The following ELL variants were observed in gnomAD, a reference collection of about 807,000 sequenced individuals.
ELL encodes elongation factor for RNA polymerase II.
In ELL, 18 loss-of-function variants were observed where a neutral mutation model predicts 64.0. The observed-to-expected ratio is 0.28, with a 90% CI of 0.19 to 0.42. The LOEUF (loss-of-function observed/expected upper bound fraction) is 0.42, where lower values mean the gene tolerates loss of function less well. Ranked by LOEUF, ELL falls within the 10% of genes least tolerant of loss-of-function variation. The pLI is 1.00. For missense variants in ELL, 797 were observed against 870.4 expected, an observed-to-expected ratio of 0.92 and a Z score of 1.06; for synonymous variants, 399 against 376.2, an observed-to-expected ratio of 1.06 and a Z score of -0.70.
At chr19:18,498,078 G>T (rs574570540) in intron 1 of ELL, among the ~76,000 whole-genome samples, 2 of 151,974 alleles carry the variant, frequency 1.3e-5, no homozygotes, top group Non-Finnish European at 2.9e-5. Flanking sequence ...GATGAGCCGA[G>T]ATTGCACCAT....
chr19:18,494,913 T>C lies in ELL; in HGVS notation c.136-22031A>G, dbSNP rs79278983. ...TCTGGACAACTCTACCCTGTACCTC[T>C]AGGCAGATGTGATCTCAGAACCACC... is the stretch of plus-strand genomic sequence containing the variant. On this transcript the variant is annotated intron_variant, in intron 1 of 11. Coordinates refer to ENST00000262809, the MANE Select transcript of ELL (RefSeq NM_006532.4). 4.1e-3 allele frequency among the ~76,000 whole-genome samples: 619 copies of C among 152,300 alleles called. 6 individuals carry two copies. The highest frequency in any genetic ancestry group is 0.014 in the African/African-American group (574 of 41,542).
rs544114835 is a variant in ELL at position 18,517,445 on chromosome 19, T to C, written c.135+4476A>G. 2.0e-5 allele frequency among the ~76,000 whole-genome samples: 3 copies of C among 152,010 alleles called. No individual in the cohort carries two copies. In the South Asian group the frequency reaches 6.2e-4, roughly 32 times the overall value. On this transcript the variant is annotated intron_variant, in intron 1 of 11. Coordinates refer to ENST00000262809, the MANE Select transcript of ELL (RefSeq NM_006532.4). ...TTTGTATTTTTAGTAGAGACAGGTTTTCACCATATTGTCCAGGCTGGTCTC... is the reference window on the plus strand; with the variant it reads ...TTTGTATTTTTAGTAGAGACAGGTTCTCACCATATTGTCCAGGCTGGTCTC...
intron 2 of ELL, among the ~76,000 whole-genome samples, chr19:18,471,946 G>A (rs970205830): frequency 2.0e-5 from 3 of 152,084 alleles, no homozygotes; most frequent in Non-Finnish European, 2.9e-5. Context: ...GACTAGTTTC[G>A]TGGAAGACAA....
chr19:18,499,256 A>G (rs776836316), intron 1 of ELL, among the ~76,000 whole-genome samples: 1 of 152,198 alleles, frequency 6.6e-6, no homozygotes, highest in African/African-American at 2.4e-5. Flanking sequence ...TTGGGGCCCA[A>G]GAACTGAGAT....
intron 1 of ELL, among the ~76,000 whole-genome samples, chr19:18,480,405 G>A (rs1214735526): frequency 1.3e-5 from 2 of 152,194 alleles, no homozygotes; most frequent in African/African-American, 4.8e-5. Flanking sequence ...GCTCAGGGAC[G>A]AGCTAGGGAA....
chr19:18,444,883 A>G lies in ELL; in HGVS notation c.1750-15T>C. On this transcript the variant is annotated splice_polypyrimidine_tract_variant and intron_variant, in intron 11 of 11. Coordinates refer to ENST00000262809, the MANE Select transcript of ELL (RefSeq NM_006532.4). ...TTGGTGTTGGTCTGTGGGACAGCAC[A>G]GTCATGCTCAGGACAGAGCCGCCCT... The G allele has an allele frequency of 6.2e-7, 1 of 1,607,284 alleles. No homozygotes were observed. The highest frequency in any genetic ancestry group is 8.5e-7 in the Non-Finnish European group (1 of 1,177,712).
rs901829381 is a variant in ELL, at chr19:18,443,112, C to G, written c.*1640G>C. ...GACCTCCTGAAATCATCCCACCTCA[C>G]CGGTGTCTGCAGGGCTGCCTGCGGG... On this transcript the variant is annotated 3_prime_UTR_variant, in exon 12 of 12. Transcript: ENST00000262809. The G allele has an allele frequency of 4.3e-6, 1 of 232,728 alleles. No homozygotes were observed. Among genetic ancestry groups the G allele is most frequent in the Non-Finnish European group, 8.5e-6 (1 of 117,694 alleles). 14.4% of individuals were successfully genotyped at this position (232,728 alleles called of 1,614,324 possible).
intron 1 of ELL, among the ~76,000 whole-genome samples, chr19:18,517,589 C>T (rs777659411): frequency 5.3e-5 from 8 of 151,582 alleles, no homozygotes; most frequent in African/African-American, 1.2e-4. Flanking sequence ...AAAACAGACA[C>T]GTAGTTCATG....
At position 18,476,107 on chromosome 19, in the gene ELL, C is replaced by T. The variant is rs549550507; in HGVS notation, c.136-3225G>A. ...CTCATGGCACCAGTCCTCATGGGCC[C>T]CAGGAGCACACGACCAAGGCCAGGT... On this transcript the variant is annotated intron_variant, in intron 1 of 11. Coordinates refer to ENST00000262809, the MANE Select transcript of ELL (RefSeq NM_006532.4). Among the ~76,000 whole-genome samples, 11 of 152,330 alleles carry T rather than the reference C, an allele frequency of 7.2e-5. No individual in the cohort carries two copies. In the South Asian group the frequency reaches 2.3e-3, roughly 32 times the overall value.
Position 18,449,671 on chromosome 19 carries a change from C to T in ELL, c.1465+806G>A, listed in dbSNP as rs1974481288. Among the ~76,000 whole-genome samples the T allele has an allele frequency of 6.6e-6, 1 of 152,230 alleles. No homozygotes were observed. The highest frequency in any genetic ancestry group is 2.4e-5 in the African/African-American group (1 of 41,462). On this transcript the variant is annotated intron_variant, in intron 8 of 11. Coordinates refer to ENST00000262809, the MANE Select transcript of ELL (RefSeq NM_006532.4). This position sits in a 1 kb window ranked among gnomAD's most constrained non-coding sequence, Gnocchi z 4.4. ...ACAGCAGGTGACACCACCTGGGCTG[C>T]CCTGGGCCAGCTGGCGCCGAGAGCG...
At chr19:18,456,577 G>A (rs1974680050) in intron 6 of ELL, among the ~76,000 whole-genome samples, 1 of 152,172 alleles carries the variant, frequency 6.6e-6, no homozygotes, top group Non-Finnish European at 1.5e-5. Flanking sequence ...TCAGGTTGGA[G>A]GTAAGGGCAC....
chr19:18,458,815 T>C (rs887750089), intron 5 of ELL, among the ~76,000 whole-genome samples: 3 of 151,992 alleles, frequency 2.0e-5, no homozygotes, highest in Admixed American at 6.6e-5. Context: ...TTTTAAGAGA[T>C]GGGATCTCGC....
At position 18,450,527 on chromosome 19, in the gene ELL, T is replaced by C; in HGVS notation, c.1415A>G (p.Asp472Gly). The change falls in exon 8 of 12, where the codon GAC becomes GGC. Residue 472 changes from aspartate to glycine, a missense_variant. Physicochemically the swap from Asp to Gly is moderately conservative, Grantham distance 94. Transcript: ENST00000262809. Reference sequence around the variant, plus strand: ...GGTGGCATGGGTGGCAGGTGCACAGTCTGGAAGCTGGGCCCGGGGCTTGTC... The same window carrying C: ...GGTGGCATGGGTGGCAGGTGCACAGCCTGGAAGCTGGGCCCGGGGCTTGTC... ...AEDKPRAQLP[D>G]CAPATHATPG... is the part of the protein sequence containing the mutation. 1 of 1,613,240 alleles carries C rather than the reference T, an allele frequency of 6.2e-7. No homozygotes were observed. Among genetic ancestry groups the C allele is most frequent in the Admixed American group, 1.7e-5 (1 of 60,026 alleles).
intron 1 of ELL, among the ~76,000 whole-genome samples, chr19:18,482,977 C>T (rs1975337171): frequency 6.6e-6 from 1 of 152,006 alleles, no homozygotes; most frequent in Non-Finnish European, 1.5e-5. Context: ...GTGGGGGTCT[C>T]CCTGTGTTGC....
chr19:18,462,200 GTGTGTGTGTGTGTGTGTGTGTA>G lies in ELL; in HGVS notation c.470-370_470-349del, dbSNP rs1408270099. ...GGGCAGTGTGTGTGTGTGTGTGTGTGTGTGTGTGTGTGTGTGTGTGTATGTAATCACCTGATCACTCTGGTGG... is the reference window on the plus strand; with the variant it reads ...GGGCAGTGTGTGTGTGTGTGTGTGTGTGTAATCACCTGATCACTCTGGTGG... On this transcript the variant is annotated intron_variant, in intron 4 of 11. Coordinates refer to ENST00000262809, the MANE Select transcript of ELL (RefSeq NM_006532.4). Among the ~76,000 whole-genome samples the G allele has an allele frequency of 2.3e-4, 28 of 122,460 alleles. No individual in the cohort carries two copies. The East Asian group carries it at 4.5e-3, about 20-fold the overall frequency. The allele number at this position is 122,460 out of a possible 152,430, so 80.3% of individuals were successfully genotyped here. A position where few individuals can be genotyped will look rare whatever the true frequency, so the allele number is the denominator to read the frequency against.
rs573571563 is a variant in ELL at position 18,444,946 on chromosome 19, C to G, written c.1750-78G>C. 55 of 1,480,034 alleles carry G rather than the reference C, an allele frequency of 3.7e-5. No individual in the cohort carries two copies. In the Admixed American group the frequency reaches 6.8e-4, roughly 18 times the overall value. The allele number at this position is 1,480,034 out of a possible 1,614,324, so 91.7% of individuals were successfully genotyped here. On this transcript the variant is annotated intron_variant, in intron 11 of 11. Transcript: ENST00000262809. ...CCGCTGTAAGCAGGCCAGTGTCCCCCCCAAACCAAAAACCTGGGCTTGGTG... is the reference window on the plus strand; with the variant it reads ...CCGCTGTAAGCAGGCCAGTGTCCCCGCCAAACCAAAAACCTGGGCTTGGTG...
chr19:18,445,446 T>C (rs1402144626), intron 10 of ELL, 178 bp from the exon 11 acceptor site: 5 of 607,304 alleles, frequency 8.2e-6, no homozygotes, highest in Non-Finnish European at 1.5e-5. Context: ...GGGTGGGGCA[T>C]GAGGGAAAGG....
chr19:18,477,024 CA>C (rs1014312976), intron 1 of ELL, among the ~76,000 whole-genome samples: 34 of 152,290 alleles, frequency 2.2e-4, no homozygotes, highest in African/African-American at 7.7e-4. Flanking sequence ...ACTCCTAAGC[CA>C]GGGGGAAAAT....
intron 1 of ELL, 102 bp downstream of exon 1, chr19:18,521,819 C>T: frequency 6.9e-7 from 1 of 1,443,440 alleles, no homozygotes; most frequent in Non-Finnish European, 9.1e-7. Flanking sequence ...AGCAGCACCA[C>T]AGACCTAGCG....
Sources: allele counts gnomAD v4.1 joint callset (sites outside exome capture counted in the v4.1 genomes callset), GRCh38; gene constraint gnomAD v4.1.1; non-coding constraint Gnocchi (gnomAD v3.1); transcripts MANE v1.5; gene names NCBI Gene and HGNC (gene_info 2026-07-23, HGNC 2026-07-21).